The following ROBO2 variants were observed in gnomAD, a reference collection of about 807,000 sequenced individuals.
ROBO2 encodes roundabout homolog 2.
Under a neutral mutation model 160.8 loss-of-function variants are expected in ROBO2, and 53 were observed. The observed-to-expected ratio is 0.33, with a 90% CI of 0.26 to 0.41. The LOEUF (loss-of-function observed/expected upper bound fraction) is 0.41, where lower values mean the gene tolerates loss of function less well. Ranked by LOEUF, ROBO2 falls within the 10% of genes least tolerant of loss-of-function variation. ROBO2 has a pLI of 1.00. For synonymous variants in ROBO2, 664 were observed against 611.7 expected (o/e 1.09, Z -1.26); for missense variants, 1,577 against 1,722.4 (o/e 0.92, Z 1.49).
At chr3:76,024,587 T>C (rs1479525323) in intron 2 of ROBO2, among the ~76,000 whole-genome samples, 2 of 151,730 alleles carry the variant, frequency 1.3e-5, no homozygotes, top group Admixed American at 1.3e-4. Flanking sequence ...GGAAGCTATA[T>C]GGAAAGAGTA....
At chr3:77,113,814 C>T (rs2073929775) in intron 2 of ROBO2, among the ~76,000 whole-genome samples, 1 of 152,134 alleles carries the variant, frequency 6.6e-6, no homozygotes, top group African/African-American at 2.4e-5. Flanking sequence ...GAAGCTTTCT[C>T]ATAAGAAATG....
chr3:76,185,812 G>A (rs1701734545), intron 2 of ROBO2, among the ~76,000 whole-genome samples: 1 of 151,996 alleles, frequency 6.6e-6, no homozygotes, highest in Non-Finnish European at 1.5e-5. Context: ...ACACCAAATG[G>A]AGATATTAAG....
At chr3:76,313,770 T>G (rs890621925) in intron 2 of ROBO2, among the ~76,000 whole-genome samples, 13 of 152,276 alleles carry the variant, frequency 8.5e-5, no homozygotes, top group Admixed American at 7.2e-4. Context: ...GCACTCACAC[T>G]GCCTATGTGC....
At chr3:76,333,137 T>C (rs35373996) in intron 2 of ROBO2, among the ~76,000 whole-genome samples, 52,035 of 152,044 alleles carry the variant, frequency 0.34, 11,172 homozygotes, top group Non-Finnish European at 0.47. Flanking sequence ...TTTAAAATCA[T>C]GGCGTTACCA....
intron 2 of ROBO2, among the ~76,000 whole-genome samples, chr3:77,276,906 G>A (rs963503531): frequency 6.6e-6 from 1 of 152,106 alleles, no homozygotes; most frequent in Non-Finnish European, 1.5e-5. Context: ...AAAACCATCA[G>A]ATCTCATAAG....
At chr3:76,682,630 A>G (rs1055823946) in intron 2 of ROBO2, among the ~76,000 whole-genome samples, 2 of 151,520 alleles carry the variant, frequency 1.3e-5, no homozygotes, top group African/African-American at 4.8e-5. Context: ...CTGGTCTTGA[A>G]CTCCTGACCT....
intron 2 of ROBO2, among the ~76,000 whole-genome samples, chr3:76,501,309 A>G (rs1017878758): frequency 6.6e-6 from 1 of 152,216 alleles, no homozygotes; most frequent in African/African-American, 2.4e-5. Context: ...AGTCTCTGCT[A>G]TGTATAATAA....
chr3:76,395,578 G>A (rs2108687378), intron 2 of ROBO2, among the ~76,000 whole-genome samples: 1 of 151,000 alleles, frequency 6.6e-6, no homozygotes, highest in Middle Eastern at 3.4e-3. Context: ...CCGCTAGCAA[G>A]ACTAATAAAG....
intron 2 of ROBO2, among the ~76,000 whole-genome samples, chr3:76,209,591 T>C (rs1230104469): frequency 3.3e-5 from 5 of 152,124 alleles, no homozygotes; most frequent in Non-Finnish European, 7.4e-5. Flanking sequence ...GTCTCTTCTA[T>C]GCCCCTCAGG....
upstream of ROBO2, among the ~76,000 whole-genome samples, chr3:77,039,555 C>G (rs2063861524): frequency 6.6e-6 from 1 of 152,156 alleles, no homozygotes; most frequent in Non-Finnish European, 1.5e-5. Flanking sequence ...GAGTGGGCAC[C>G]CGGGGGCGCG....
At chr3:76,205,058 C>A (rs955114445) in intron 2 of ROBO2, among the ~76,000 whole-genome samples, 11 of 151,990 alleles carry the variant, frequency 7.2e-5, no homozygotes, top group Non-Finnish European at 1.5e-4. Context: ...TGGATAAAGG[C>A]CTGAACAACT....
intron 2 of ROBO2, among the ~76,000 whole-genome samples, chr3:76,686,584 T>C (rs1560376198): frequency 6.6e-6 from 1 of 152,132 alleles, no homozygotes; most frequent in African/African-American, 2.4e-5. Context: ...TGAGGAGACT[T>C]GCAATACCCC....
At chr3:77,403,392 C>A (rs2075981909) in intron 2 of ROBO2, among the ~76,000 whole-genome samples, 1 of 152,136 alleles carries the variant, frequency 6.6e-6, no homozygotes, top group Non-Finnish European at 1.5e-5. Flanking sequence ...CTTCTGTTAA[C>A]CACCATTCTA....
intron 2 of ROBO2, among the ~76,000 whole-genome samples, chr3:76,254,526 T>C (rs751769632): frequency 6.6e-6 from 1 of 152,102 alleles, no homozygotes; most frequent in East Asian, 1.9e-4. Flanking sequence ...AAATTAGATA[T>C]GCACTTTATA....
intron 2 of ROBO2, among the ~76,000 whole-genome samples, chr3:77,460,139 G>A (rs1290046363): frequency 1.3e-5 from 2 of 152,018 alleles, no homozygotes; most frequent in Non-Finnish European, 2.9e-5. Flanking sequence ...AGGGGCGGAA[G>A]TCAGGAAAAT....
At chr3:77,088,667 T>G (rs2149998953) in intron 1 of ROBO2, among the ~76,000 whole-genome samples, 1 of 152,296 alleles carries the variant, frequency 6.6e-6, no homozygotes, top group African/African-American at 2.4e-5. Flanking sequence ...TTACTGACAA[T>G]ATGGATAAAT....
chr3:76,375,824 G>T (rs7646715), intron 2 of ROBO2, among the ~76,000 whole-genome samples: 27,243 of 152,004 alleles, frequency 0.18, 3,564 homozygotes, highest in African/African-American at 0.37. Flanking sequence ...TAAGAGTAGA[G>T]TTAGGTAAAA....
intron 8 of ROBO2, among the ~76,000 whole-genome samples, chr3:77,557,080 A>G (rs2093148945): frequency 6.6e-6 from 1 of 151,886 alleles, no homozygotes; most frequent in African/African-American, 2.4e-5. Context: ...ATCATTAAAT[A>G]CTTCTAAAAG....
chr3:76,968,094 T>C (rs2059398584), intron 2 of ROBO2, among the ~76,000 whole-genome samples: 1 of 152,152 alleles, frequency 6.6e-6, no homozygotes, highest in South Asian at 2.1e-4. Context: ...CAAGAGAACC[T>C]GAATATCTTG....
Sources: allele counts gnomAD v4.1 joint callset (sites outside exome capture counted in the v4.1 genomes callset), GRCh38; gene constraint gnomAD v4.1.1; transcripts MANE v1.5; gene names NCBI Gene and HGNC (gene_info 2026-07-23, HGNC 2026-07-21).